OBI1: variants seen among roughly 807,000 people sequenced by gnomAD.
The protein encoded by OBI1 is ORC ubiquitin ligase 1.
In OBI1, 59 loss-of-function variants were observed where a neutral mutation model predicts 62.4. The ratio of observed to expected loss-of-function variants is 0.95; its 90% CI spans 0.77 to 1.17. OBI1 has a LOEUF of 1.17. OBI1 is among the 50% of genes most tolerant of loss of function. The pLI, the probability that OBI1 is intolerant of heterozygous loss-of-function variation, is 0.00. For synonymous variants in OBI1, 302 were observed against 292.8 expected, an observed-to-expected ratio of 1.03 and a Z score of -0.32; for missense variants, 875 against 830.9, an observed-to-expected ratio of 1.05 and a Z score of -0.65.
chr13:78,638,438 G>A (rs1239859253), intron 4 of OBI1, among the ~76,000 whole-genome samples: 1 of 152,098 alleles, frequency 6.6e-6, no homozygotes, highest in East Asian at 1.9e-4. Context: ...CCTTTCATTG[G>A]TGCGAAAATG....
intron 1 of OBI1, among the ~76,000 whole-genome samples, chr13:78,648,880 T>C (rs969722654): frequency 2.1e-4 from 31 of 146,346 alleles, no homozygotes; most frequent in African/African-American, 7.9e-4. Context: ...ACCATTGCAC[T>C]CCAGCCTGGG....
chr13:78,649,086 TTC>T (rs1270992213), intron 1 of OBI1, among the ~76,000 whole-genome samples: 3 of 152,172 alleles, frequency 2.0e-5, no homozygotes, highest in Non-Finnish European at 4.4e-5. Flanking sequence ...AAATCAAGAA[TTC>T]TGTTTTAGCC....
Position 78,619,941 on chromosome 13 carries a change from A to G in OBI1, c.639-2819T>C, listed in dbSNP as rs967843556. Among the ~76,000 whole-genome samples, 10 of 152,334 alleles carry G rather than the reference A, an allele frequency of 6.6e-5. No individual in the cohort carries two copies. The South Asian group carries it at 1.0e-3, about 16-fold the overall frequency. The stretch of plus-strand genomic sequence containing the variant: ...GTATTATGACAGTCACTGTATTACT[A>G]AAGTAAACATGTTTTGTTTACTACA... On this transcript the variant is annotated intron_variant, in intron 5 of 5. Coordinates refer to ENST00000282003, the MANE Select transcript of OBI1 (RefSeq NM_024546.4).
At chr13:78,636,037 A>G (rs1358128721) in intron 4 of OBI1, among the ~76,000 whole-genome samples, 1 of 152,194 alleles carries the variant, frequency 6.6e-6, no homozygotes, top group East Asian at 1.9e-4. Context: ...TGTTAGGATT[A>G]CAGGTATGAG....
At chr13:78,634,017 G>A (rs547814025) in intron 5 of OBI1, among the ~76,000 whole-genome samples, 1 of 150,544 alleles carries the variant, frequency 6.6e-6, no homozygotes, top group Admixed American at 6.6e-5. Context: ...GCAGTGAGCC[G>A]AGATCGCGCC....
intron 5 of OBI1, among the ~76,000 whole-genome samples, chr13:78,623,777 A>G (rs1875584657): frequency 6.6e-6 from 1 of 152,254 alleles, no homozygotes. Flanking sequence ...CAGAGGAAAT[A>G]CAAAAATTGT....
At position 78,614,833 on chromosome 13, in the gene OBI1, A is replaced by G. The variant is rs1373344849; in HGVS notation, c.*747T>C. The G allele has an allele frequency of 1.3e-5, 2 of 152,206 alleles. No homozygotes were observed. The highest frequency in any genetic ancestry group is 4.8e-5 in the African/African-American group (2 of 41,448). 9.4% of individuals were successfully genotyped at this position (152,206 alleles called of 1,614,324 possible). A position where few individuals can be genotyped will look rare whatever the true frequency, so the allele number is the denominator to read the frequency against. On this transcript the variant is annotated 3_prime_UTR_variant, in exon 6 of 6. Transcript: ENST00000282003. ...TAAATTTCTGATTTTACACACATAC[A>G]CACACACGCAGAGGAGAAAATGTAA...
At position 78,616,972 on chromosome 13, in the gene OBI1, C is replaced by T. The variant is rs1252591486; in HGVS notation, c.789G>A (p.Glu263=). 5 of 1,614,152 alleles carry T rather than the reference C, an allele frequency of 3.1e-6. No homozygotes were observed. The highest frequency in any genetic ancestry group is 4.2e-6 in the Non-Finnish European group (5 of 1,180,008). ...QVAQLKNSSE[E]KEAMNSICQT... is the part of the protein sequence containing the mutation. Reference sequence around the variant, plus strand: ...GGCAAATGGAATTCATAGCTTCTTTCTCTTCACTTGAATTTTTTAGCTGTG... The same window carrying T: ...GGCAAATGGAATTCATAGCTTCTTTTTCTTCACTTGAATTTTTTAGCTGTG... The change falls in exon 6 of 6, where the codon GAG becomes GAA. Residue 263 remains glutamate, a synonymous_variant. Coordinates refer to ENST00000282003, the MANE Select transcript of OBI1 (RefSeq NM_024546.4).
intron 3 of OBI1, 105 bp from the exon 4 acceptor site, chr13:78,639,176 G>A: frequency 1.8e-6 from 2 of 1,140,308 alleles, no homozygotes; most frequent in Non-Finnish European, 2.5e-6. Flanking sequence ...TTAAAATTCT[G>A]TAGATACATA....
At chr13:78,636,010 GCCCC>G (rs1566281230) in intron 4 of OBI1, among the ~76,000 whole-genome samples, 1 of 152,044 alleles carries the variant, frequency 6.6e-6, no homozygotes, top group Non-Finnish European at 1.5e-5. Context: ...TGATCCACCT[GCCCC>G]AGCCTCACAA....
intron 5 of OBI1, among the ~76,000 whole-genome samples, chr13:78,617,724 T>TAA (rs1389478782): frequency 6.6e-6 from 1 of 152,190 alleles, no homozygotes; most frequent in Non-Finnish European, 1.5e-5. Context: ...TGGCCTTTAA[T>TAA]TTATGTCAGC....
chr13:78,631,811 A>G (rs1416170270), intron 5 of OBI1, among the ~76,000 whole-genome samples: 2 of 152,206 alleles, frequency 1.3e-5, no homozygotes, highest in Non-Finnish European at 2.9e-5. Context: ...TTAAGTTAAA[A>G]TTGAGGAAGG....
intron 2 of OBI1, 83 bp from the exon 3 acceptor site, chr13:78,642,296 T>C: frequency 1.1e-6 from 1 of 877,192 alleles, no homozygotes; most frequent in Non-Finnish European, 1.8e-6. Context: ...TTGTTTTATA[T>C]AGCTTCCCAG....
intron 1 of OBI1, among the ~76,000 whole-genome samples, chr13:78,657,080 T>G (rs1876734895): frequency 6.6e-6 from 1 of 152,058 alleles, no homozygotes; most frequent in Non-Finnish European, 1.5e-5. Flanking sequence ...CCACCGCGCC[T>G]GGCTTAACCT....
rs1249125920 is a variant in OBI1 at position 78,616,271 on chromosome 13, G to T, written c.1490C>A (p.Ser497Ter). The change falls in exon 6 of 6, where the codon TCA becomes TAA. Residue 497 changes from serine (S) to a stop codon, truncating the protein, a stop_gained. Coordinates refer to ENST00000282003, the MANE Select transcript of OBI1 (RefSeq NM_024546.4). LOFTEE classifies it high-confidence loss of function. ...TIANSVGEIS[S>*]KLSEKSGLCL... ...TAAGCCTGATTTCTCACTCAATTTT[G>T]AAGATATTTCTCCAACAGAATTTGC... is the stretch of plus-strand genomic sequence containing the variant. 8.1e-6 allele frequency: 13 copies of T among 1,613,686 alleles called. No individual in the cohort carries two copies. The highest frequency in any genetic ancestry group is 1.0e-5 in the Non-Finnish European group (12 of 1,179,822).
At chr13:78,650,732 T>C (rs1045291175) in intron 1 of OBI1, among the ~76,000 whole-genome samples, 4 of 145,126 alleles carry the variant, frequency 2.8e-5, no homozygotes, top group Middle Eastern at 3.6e-3. Context: ...CACTTCTACA[T>C]AGCAATCCCT....
At chr13:78,658,965 C>T (rs894320176) in intron 1 of OBI1, 84 bp downstream of exon 1, 1 of 1,288,492 alleles carries the variant, frequency 7.8e-7, no homozygotes, top group Non-Finnish European at 1.1e-6. Flanking sequence ...CGCCCCTTCC[C>T]CGCCCCCGCA....
In OBI1 at chr13:78,639,073, T is replaced by C. The variant is rs1367562971; in HGVS notation, c.301-2A>G. 4 of 1,610,666 alleles carry C rather than the reference T, an allele frequency of 2.5e-6. No homozygotes were observed. The highest frequency in any genetic ancestry group is 3.4e-6 in the Non-Finnish European group (4 of 1,178,576). On this transcript the variant is annotated splice_acceptor_variant, in intron 3 of 5. Coordinates refer to ENST00000282003, the MANE Select transcript of OBI1 (RefSeq NM_024546.4). LOFTEE classifies it high-confidence loss of function. ...TTTCTGTAAACAATCTATTTCGTCC[T>C]GAAAAAGCATTGCATAGTCATGAGG...
chr13:78,616,785 C>A lies in OBI1; in HGVS notation c.976G>T (p.Ala326Ser). The A allele has an allele frequency of 6.2e-7, 1 of 1,614,172 alleles. No homozygotes were observed. Among genetic ancestry groups the A allele is most frequent in the Non-Finnish European group, 8.5e-7 (1 of 1,180,024 alleles). Residue 326 changes from alanine to serine, a missense_variant, in exon 6 of 6, where the codon GCA becomes TCA. Coordinates refer to ENST00000282003, the MANE Select transcript of OBI1 (RefSeq NM_024546.4). Reference protein sequence around the residue: ...SSSRLCDTSSARQESTSKADL... With the variant: ...SSSRLCDTSSSRQESTSKADL... ...GCTTTGCTGGTACTTTCCTGCCTTG[C>A]AGAACTGGTGTCACACAGTCTGCTG...
Sources: gnomAD v4.1 joint callset for allele counts (sites outside exome capture counted in the v4.1 genomes callset) on GRCh38, gnomAD v4.1.1 for gene constraint, MANE v1.5 for transcripts, NCBI Gene and HGNC (gene_info 2026-07-23, HGNC 2026-07-21) for gene names.